Variants in ROBO1 observed in about 807,000 individuals in gnomAD.
ROBO1 encodes the protein roundabout homolog 1.
ROBO1 carries 149 observed loss-of-function variants against 195.9 expected under a neutral mutation model. The ratio of observed to expected loss-of-function variants is 0.76; its 90% CI spans 0.67 to 0.87. The LOEUF (loss-of-function observed/expected upper bound fraction) is 0.87, where lower values mean the gene tolerates loss of function less well. Among genes scored for constraint, ROBO1 ranks in the 40% least tolerant of loss-of-function variants. The pLI is 0.00. For missense variants in ROBO1, 1,933 were observed against 2,068.3 expected (o/e 0.93, Z 1.27); for synonymous variants, 816 against 733.2 (o/e 1.11, Z -1.82).
At chr3:79,503,216 C>G (rs1940206498) in intron 2 of ROBO1, among the ~76,000 whole-genome samples, 1 of 152,160 alleles carries the variant, frequency 6.6e-6, no homozygotes, top group Non-Finnish European at 1.5e-5. Context: ...GAGGAATGAA[C>G]AACTGCAGAC....
intron 3 of ROBO1, among the ~76,000 whole-genome samples, chr3:79,078,363 A>G (rs1347749225): frequency 6.6e-6 from 1 of 151,800 alleles, no homozygotes; most frequent in South Asian, 2.1e-4. Context: ...TCTAGTGACT[A>G]CCACATACTC....
In ROBO1 at chr3:79,510,745, A is replaced by C. The variant is rs191547572; in HGVS notation, c.88+79079T>G. Among the ~76,000 whole-genome samples the C allele has an allele frequency of 3.1e-4, 47 of 152,190 alleles. No homozygotes were observed. The East Asian group carries it at 6.8e-3, about 22-fold the overall frequency. On this transcript the variant is annotated intron_variant, in intron 2 of 30. Coordinates refer to ENST00000464233, the MANE Select transcript of ROBO1 (RefSeq NM_002941.4). ...AGAGAAGTCTTGAAAAAGAAATGAA[A>C]ATTATACAAGTTATTCTTGGCTCAA...
rs546427120 is a variant in ROBO1, at chr3:79,343,429, G to A, written c.89-217890C>T. On this transcript the variant is annotated intron_variant, in intron 2 of 30. Coordinates refer to ENST00000464233, the MANE Select transcript of ROBO1 (RefSeq NM_002941.4). The stretch of plus-strand genomic sequence containing the variant: ...ACTGTTCTCTAAAGTGACTGCATAC[G>A]TTTGCAATCCCACCAGCAACGAAGG... Among the ~76,000 whole-genome samples, 6 of 152,168 alleles carry A rather than the reference G, an allele frequency of 3.9e-5. No homozygotes were observed. The South Asian group carries it at 6.2e-4, about 16-fold the overall frequency.
chr3:79,753,855 A>T (rs996736785), intron 1 of ROBO1, among the ~76,000 whole-genome samples: 4 of 152,310 alleles, frequency 2.6e-5, no homozygotes, highest in African/African-American at 7.2e-5. Flanking sequence ...TGATGCAAAA[A>T]TTTGAAATAG....
chr3:79,241,576 G>A (rs1242676310), intron 2 of ROBO1, among the ~76,000 whole-genome samples: 2 of 151,540 alleles, frequency 1.3e-5, no homozygotes, highest in Non-Finnish European at 2.9e-5. Context: ...TAGCTATTGT[G>A]GACTATTAAA....
At chr3:79,462,294 T>G (rs1012582675) in intron 2 of ROBO1, among the ~76,000 whole-genome samples, 1 of 152,204 alleles carries the variant, frequency 6.6e-6, no homozygotes, top group Non-Finnish European at 1.5e-5. Flanking sequence ...AACACCTGTA[T>G]CTATTTTGTC....
intron 21 of ROBO1, among the ~76,000 whole-genome samples, chr3:78,641,798 C>A (rs1196844989): frequency 7.0e-6 from 1 of 143,318 alleles, no homozygotes; most frequent in Non-Finnish European, 1.6e-5. Flanking sequence ...CTCTGAAAAA[C>A]ACTTTCATAG....
chr3:79,610,821 T>A (rs1474405339), intron 1 of ROBO1, among the ~76,000 whole-genome samples: 1 of 152,088 alleles, frequency 6.6e-6, no homozygotes, highest in Non-Finnish European at 1.5e-5. Flanking sequence ...TAAATGATTA[T>A]GCTTCAAGAA....
At chr3:79,099,781 T>C (rs2079641906) in intron 3 of ROBO1, among the ~76,000 whole-genome samples, 1 of 151,850 alleles carries the variant, frequency 6.6e-6, no homozygotes, top group South Asian at 2.1e-4. Flanking sequence ...TTTGTATATA[T>C]GTCAACTGGC....
chr3:78,604,152 TCTC>T (rs1703334853), intron 29 of ROBO1, among the ~76,000 whole-genome samples: 1 of 151,938 alleles, frequency 6.6e-6, no homozygotes, highest in Non-Finnish European at 1.5e-5. Context: ...CTCACTGCAA[TCTC>T]CTCCTCCCGG....
intron 2 of ROBO1, among the ~76,000 whole-genome samples, chr3:79,147,970 C>G (rs912120117): frequency 1.3e-5 from 2 of 151,860 alleles, no homozygotes; most frequent in Non-Finnish European, 1.5e-5. Context: ...GTTACTTTTA[C>G]TAGGAAGGAA....
At chr3:78,918,598 TC>T (rs1431093731) in intron 4 of ROBO1, among the ~76,000 whole-genome samples, 1 of 152,138 alleles carries the variant, frequency 6.6e-6, no homozygotes, top group African/African-American at 2.4e-5. Flanking sequence ...TATAAAACAA[TC>T]TCTAGGTAGT....
At chr3:79,227,990 A>G (rs1434135821) in intron 2 of ROBO1, among the ~76,000 whole-genome samples, 1 of 152,134 alleles carries the variant, frequency 6.6e-6, no homozygotes, top group Admixed American at 6.6e-5. Flanking sequence ...GAATAAATAA[A>G]TATAGCCTCA....
At chr3:79,562,011 G>T (rs925308685) in intron 2 of ROBO1, among the ~76,000 whole-genome samples, 4 of 152,132 alleles carry the variant, frequency 2.6e-5, no homozygotes, top group African/African-American at 4.8e-5. Context: ...GGTGACAAAT[G>T]ATAGCTGGTT....
At chr3:79,167,014 T>C (rs1343575671) in intron 2 of ROBO1, among the ~76,000 whole-genome samples, 1 of 152,090 alleles carries the variant, frequency 6.6e-6, no homozygotes, top group East Asian at 1.9e-4. Context: ...GTGTCTCCAA[T>C]GTTAAGAACA....
intron 4 of ROBO1, among the ~76,000 whole-genome samples, chr3:78,810,846 C>T (rs1576212097): frequency 6.6e-6 from 1 of 152,058 alleles, no homozygotes; most frequent in Non-Finnish European, 1.5e-5. Context: ...GAATGTTTCA[C>T]CTTCAGAAAG....
intron 2 of ROBO1, among the ~76,000 whole-genome samples, chr3:79,543,901 A>G (rs566413079): frequency 6.6e-6 from 1 of 152,208 alleles, no homozygotes; most frequent in East Asian, 1.9e-4. Context: ...GTTCCTCTGT[A>G]CATTTCTTGT....
At chr3:79,393,770 G>A (rs1334151684) in intron 2 of ROBO1, among the ~76,000 whole-genome samples, 1 of 152,156 alleles carries the variant, frequency 6.6e-6, no homozygotes, top group African/African-American at 2.4e-5. Context: ...ATAGAAGTAT[G>A]TGTTAAAATA....
rs905987245 is a variant in ROBO1, at chr3:79,700,341, G to C, written c.-51+67411C>G. ...TTTGTGTGTGTGTGTGTGTGTGTGTGTGTGTGTCTTTCTGGGAGAACAATT... is the reference window on the plus strand; with the variant it reads ...TTTGTGTGTGTGTGTGTGTGTGTGTCTGTGTGTCTTTCTGGGAGAACAATT... On this transcript the variant is annotated intron_variant, in intron 1 of 30. Coordinates refer to ENST00000464233, the MANE Select transcript of ROBO1 (RefSeq NM_002941.4). Among the ~76,000 whole-genome samples the C allele has an allele frequency of 3.3e-5, 5 of 150,392 alleles. No homozygotes were observed. The East Asian group carries it at 7.8e-4, about 23-fold the overall frequency.
Sources: gnomAD v4.1 joint callset for allele counts (sites outside exome capture counted in the v4.1 genomes callset) on GRCh38, gnomAD v4.1.1 for gene constraint, MANE v1.5 for transcripts, NCBI Gene and HGNC (gene_info 2026-07-23, HGNC 2026-07-21) for gene names.